The following ADAMTSL1 variants were observed in gnomAD, a reference collection of about 807,000 sequenced individuals.
ADAMTSL1 encodes the protein ADAMTS like 1, also known as ADAMTS-like protein 1.
Under a neutral mutation model 201.8 loss-of-function variants are expected in ADAMTSL1, and 126 were observed. The ratio of observed to expected loss-of-function variants is 0.62; its 90% CI spans 0.54 to 0.72. ADAMTSL1 has a LOEUF of 0.72. Ranked by LOEUF, ADAMTSL1 falls within the 30% of genes least tolerant of loss-of-function variation. ADAMTSL1 has a pLI of 0.00. For missense variants in ADAMTSL1, 2,679 were observed against 2,277.8 expected, an observed-to-expected ratio of 1.18 and a Z score of -3.59; for synonymous variants, 1,121 against 903.4, an observed-to-expected ratio of 1.24 and a Z score of -4.32.
chr9:18,791,484 G>C (rs1276393432), intron 19 of ADAMTSL1, among the ~76,000 whole-genome samples: 1 of 152,070 alleles, frequency 6.6e-6, no homozygotes, highest in Non-Finnish European at 1.5e-5. Flanking sequence ...CGACTAAACA[G>C]TTGAGTCTTA....
intron 1 of ADAMTSL1, among the ~76,000 whole-genome samples, chr9:18,134,456 CAAGA>C (rs1389760373): frequency 6.6e-6 from 1 of 152,120 alleles, no homozygotes; most frequent in Non-Finnish European, 1.5e-5. Flanking sequence ...GACTTAGCTA[CAAGA>C]AAGAAGCCCT....
chr9:18,183,011 G>C (rs1043318457), intron 2 of ADAMTSL1, among the ~76,000 whole-genome samples: 33 of 152,152 alleles, frequency 2.2e-4, no homozygotes, highest in Non-Finnish European at 1.6e-4. Context: ...AGACCTAGAT[G>C]ATTCTAAAGC....
At chr9:18,233,942 C>G (rs1232583156) in intron 2 of ADAMTSL1, among the ~76,000 whole-genome samples, 1 of 152,158 alleles carries the variant, frequency 6.6e-6, no homozygotes, top group Non-Finnish European at 1.5e-5. Flanking sequence ...ATAGGAGTGA[C>G]ACACCCTGAT....
chr9:18,438,003 C>T (rs943212550), intron 2 of ADAMTSL1, among the ~76,000 whole-genome samples: 2 of 152,126 alleles, frequency 1.3e-5, no homozygotes, highest in African/African-American at 2.4e-5. Context: ...CCTGCTGGAA[C>T]GGGAAGGAGA....
At chr9:18,782,790 G>A (rs1232312647) in intron 19 of ADAMTSL1, among the ~76,000 whole-genome samples, 1 of 152,208 alleles carries the variant, frequency 6.6e-6, no homozygotes, top group Non-Finnish European at 1.5e-5. Context: ...GTGATGTGAG[G>A]AGGAAGAACA....
At chr9:18,045,145 G>C (rs2131645000) in intron 1 of ADAMTSL1, among the ~76,000 whole-genome samples, 1 of 152,200 alleles carries the variant, frequency 6.6e-6, no homozygotes, top group East Asian at 1.9e-4. Flanking sequence ...GGTTCTATTA[G>C]AAGGACACTA....
At position 18,556,542 on chromosome 9, in the gene ADAMTSL1, A is replaced by C. The variant is rs1024938667; in HGVS notation, c.238-17488A>C. ...AAAATTGACTTTGGAGCCTAATACT[A>C]TTCAGGATGAGGCTGGTGCTAAGAA... On this transcript the variant is annotated intron_variant, in intron 3 of 28. Coordinates refer to ENST00000380548, the MANE Select transcript of ADAMTSL1 (RefSeq NM_001040272.6). Among the ~76,000 whole-genome samples, 5 of 151,994 alleles carry C rather than the reference A, an allele frequency of 3.3e-5. No homozygotes were observed. In the South Asian group the frequency reaches 6.2e-4, roughly 19 times the overall value.
chr9:18,073,124 A>C (rs1308487782), intron 1 of ADAMTSL1, among the ~76,000 whole-genome samples: 1 of 152,238 alleles, frequency 6.6e-6, no homozygotes, highest in Non-Finnish European at 1.5e-5. Flanking sequence ...CAGGCTCACC[A>C]GGCCTGCCAC....
intron 2 of ADAMTSL1, among the ~76,000 whole-genome samples, chr9:18,392,954 T>G (rs1838112756): frequency 6.6e-6 from 1 of 152,190 alleles, no homozygotes; most frequent in African/African-American, 2.4e-5. Flanking sequence ...TGCTTTACTT[T>G]GCATTTGACT....
intron 1 of ADAMTSL1, among the ~76,000 whole-genome samples, chr9:18,065,723 G>A (rs1822663601): frequency 6.6e-6 from 1 of 152,182 alleles, no homozygotes; most frequent in African/African-American, 2.4e-5. Context: ...GCTCACGCCT[G>A]TAATCCCAGC....
At chr9:18,122,433 C>T (rs1369499794) in intron 1 of ADAMTSL1, among the ~76,000 whole-genome samples, 1 of 151,964 alleles carries the variant, frequency 6.6e-6, no homozygotes, top group African/African-American at 2.4e-5. Context: ...AGATCAGGGC[C>T]CAGGACTTTT....
At chr9:17,978,062 A>G (rs1049883920) in intron 1 of ADAMTSL1, among the ~76,000 whole-genome samples, 5 of 152,048 alleles carry the variant, frequency 3.3e-5, no homozygotes, top group South Asian at 2.1e-4. Flanking sequence ...GTGAACTTCT[A>G]TGTCTCTCTT....
intron 1 of ADAMTSL1, among the ~76,000 whole-genome samples, chr9:18,157,334 A>G (rs1827199070): frequency 6.6e-6 from 1 of 152,026 alleles, no homozygotes; most frequent in Non-Finnish European, 1.5e-5. Context: ...TTTTCTTTTT[A>G]GAATCCTGTC....
chr9:18,771,735 G>GTTTTTTTTTTTTTTT, intron 17 of ADAMTSL1, among the ~76,000 whole-genome samples: 1 of 116,668 alleles, frequency 8.6e-6, no homozygotes, highest in South Asian at 3.4e-4. Flanking sequence ...TTTTTTTTTG[G>GTTTTTTTTTTTTTTT]ATAGTATACA....
intron 2 of ADAMTSL1, among the ~76,000 whole-genome samples, chr9:18,287,510 A>G (rs533743245): frequency 3.3e-5 from 5 of 151,596 alleles, no homozygotes; most frequent in East Asian, 1.9e-4. Flanking sequence ...ATATGTGCAC[A>G]TATGTAATAT....
rs531657753 is a variant in ADAMTSL1 at position 18,779,966 on chromosome 9, A to C, written c.3677+2060A>C. Among the ~76,000 whole-genome samples the C allele has an allele frequency of 9.8e-4, 149 of 152,314 alleles. 1 individual carries two copies. The South Asian group carries it at 0.029, about 29-fold the overall frequency. On this transcript the variant is annotated intron_variant, in intron 19 of 28. Transcript: ENST00000380548. ...ACTGGCTGCATGAGGGAAAAGATGGAAATTAACATCTTCCTACTTCCTCCT... is the reference window on the plus strand; with the variant it reads ...ACTGGCTGCATGAGGGAAAAGATGGCAATTAACATCTTCCTACTTCCTCCT...
At chr9:18,047,357 G>A (rs1271830017) in intron 1 of ADAMTSL1, among the ~76,000 whole-genome samples, 1 of 152,142 alleles carries the variant, frequency 6.6e-6, no homozygotes, top group African/African-American at 2.4e-5. Context: ...ACTTGGTGGG[G>A]AGATGTTGTT....
At chr9:18,407,509 G>T (rs1818256655) in intron 2 of ADAMTSL1, among the ~76,000 whole-genome samples, 1 of 152,148 alleles carries the variant, frequency 6.6e-6, no homozygotes, top group Admixed American at 6.5e-5. Context: ...CCCATGAAGA[G>T]GAGTGAGAAG....
intron 15 of ADAMTSL1, among the ~76,000 whole-genome samples, chr9:18,732,002 T>C (rs567361273): frequency 6.6e-6 from 1 of 152,230 alleles, no homozygotes; most frequent in South Asian, 2.1e-4. Flanking sequence ...CCACGTTACC[T>C]CTCTAAGACT....
Sources: gnomAD v4.1 joint callset for allele counts (sites outside exome capture counted in the v4.1 genomes callset) on GRCh38, gnomAD v4.1.1 for gene constraint, MANE v1.5 for transcripts, NCBI Gene and HGNC (gene_info 2026-07-23, HGNC 2026-07-21) for gene names.